The following MATK variants were observed in gnomAD, a reference collection of about 807,000 sequenced individuals.
MATK encodes the protein megakaryocyte-associated tyrosine-protein kinase.
A neutral mutation model predicts 59.8 loss-of-function variants in MATK; 41 were observed. That is an observed-to-expected ratio of 0.69 (90% CI 0.53 to 0.89). The LOEUF is 0.89. Among genes scored for constraint, MATK ranks in the 40% least tolerant of loss-of-function variants. The probability of loss-of-function intolerance (pLI) is 0.00; values close to 1 mark genes in which losing one functional copy is unlikely to be tolerated. For missense variants in MATK, 593 were observed against 719.6 expected (o/e 0.82, Z 2.01); for synonymous variants, 308 against 306.1 (o/e 1.01, Z -0.06).
At chr19:3,791,147 TG>T (rs2037537610), upstream of MATK, among the ~76,000 whole-genome samples, 1 of 152,042 alleles carries the variant, frequency 6.6e-6, no homozygotes, top group Non-Finnish European at 1.5e-5. Context: ...GTACCAGAAG[TG>T]GGGAGTTAAA....
In MATK at chr19:3,784,893, G is replaced by T; in HGVS notation, c.73-9C>A. On this transcript the variant is annotated splice_polypyrimidine_tract_variant and intron_variant, in intron 2 of 13. Transcript: ENST00000310132. ...AGGAAGCGGGGGCTCACCTGGGGAG[G>T]GGACAGAGTCCAGGTGGGAGCTGGG... The T allele has an allele frequency of 1.3e-6, 2 of 1,514,546 alleles. No homozygotes were observed. Among genetic ancestry groups the T allele is most frequent in the Non-Finnish European group, 1.8e-6 (2 of 1,112,852 alleles). The allele number at this position is 1,514,546 out of a possible 1,614,324, so 93.8% of individuals were successfully genotyped here.
In MATK at chr19:3,778,544, C is replaced by T. The variant is rs751919765; in HGVS notation, c.1249G>A (p.Val417Ile). 1.9e-6 allele frequency: 3 copies of T among 1,613,904 alleles called. No homozygotes were observed. In the South Asian group the frequency reaches 3.3e-5, roughly 18 times the overall value. Residue 417 changes from valine (V) to isoleucine (I), a missense_variant, in exon 13 of 14, where the codon GTC becomes ATC. Physicochemically the swap from Val to Ile is conservative, Grantham distance 29 (BLOSUM62 3). Coordinates refer to ENST00000310132, the MANE Select transcript of MATK (RefSeq NM_139355.3). ...TACGGAGCCCGTCCATATGAGAAGA[C>T]CTCCCAGAGCAGCACCCCAAAACTC... is the stretch of plus-strand genomic sequence containing the variant. The part of the protein sequence containing the change: ...VWSFGVLLWE[V>I]FSYGRAPYPK...
At chr19:3,782,286 C>T (rs991707226) in intron 7 of MATK, among the ~76,000 whole-genome samples, 1 of 152,212 alleles carries the variant, frequency 6.6e-6, no homozygotes, top group Non-Finnish European at 1.5e-5. Flanking sequence ...ACGTTCTCTT[C>T]TCCCTCCAGA....
At chr19:3,794,786 C>G (rs2037577257) in intron 1 of MATK, among the ~76,000 whole-genome samples, 1 of 152,152 alleles carries the variant, frequency 6.6e-6, no homozygotes, top group Non-Finnish European at 1.5e-5. Flanking sequence ...CTCATGACCT[C>G]ATGCTCTAAC....
chr19:3,801,132 C>T (rs1171872243), intron 1 of MATK, among the ~76,000 whole-genome samples: 1 of 152,208 alleles, frequency 6.6e-6, no homozygotes, highest in Non-Finnish European at 1.5e-5. Flanking sequence ...CCACCGCGCC[C>T]GGCCGATGCT....
In MATK at chr19:3,783,134, A is replaced by T. The variant is rs773029722; in HGVS notation, c.668T>A (p.Leu223Gln). The T allele has an allele frequency of 1.9e-6, 3 of 1,613,944 alleles. No individual in the cohort carries two copies. In the Admixed American group the frequency reaches 5.0e-5, roughly 27 times the overall value. Residue 223 changes from leucine (L) to glutamine (Q), a missense_variant, in exon 7 of 14, where the codon CTG becomes CAG. By Grantham distance (113) the Leu-to-Gln change is moderately radical. Coordinates refer to ENST00000310132, the MANE Select transcript of MATK (RefSeq NM_139355.3). ...TCCTGGGCGTCCCCTACCCCTGGCC[A>T]GCTCCTCCTCGGCCGACTTGGTCCC... ...KHGTKSAEEE[L>Q]ARAGWLLNLQ...
chr19:3,788,097 T>TTTATATTATA (rs71166928), upstream of MATK, among the ~76,000 whole-genome samples: 2,481 of 133,712 alleles, frequency 0.019, 32 homozygotes, highest in African/African-American at 0.023. Flanking sequence ...ATTATTAATA[T>TTTATATTATA]TTATATTATA....
intron 8 of MATK, 117 bp from the exon 9 acceptor site, chr19:3,779,914 G>A (rs1287356604): frequency 7.1e-6 from 5 of 701,870 alleles, no homozygotes; most frequent in Non-Finnish European, 1.0e-5. Flanking sequence ...ACAGCTGCGG[G>A]TCCCCAGACC....
At chr19:3,799,868 C>G (rs1487702263) in intron 1 of MATK, among the ~76,000 whole-genome samples, 2 of 128,502 alleles carry the variant, frequency 1.6e-5, no homozygotes, top group Non-Finnish European at 3.3e-5. Flanking sequence ...GTCAGCCGGG[C>G]GCGGTGGCTC....
Position 3,784,364 on chromosome 19 carries a change from C to T in MATK, c.220G>A (p.Val74Met), listed in dbSNP as rs756357072. The T allele has an allele frequency of 1.8e-5, 29 of 1,607,848 alleles. No homozygotes were observed. Among genetic ancestry groups the T allele is most frequent in the Non-Finnish European group, 2.1e-5 (25 of 1,178,450 alleles). Residue 74 changes from valine to methionine, a missense_variant, in exon 4 of 14, where the codon GTG (valine) becomes ATG (methionine). Val to Met is a conservative substitution (Grantham distance 21, BLOSUM62 1). Transcript: ENST00000310132. ...TCGCAGGCCTCCAGGATGGTGACCA[C>T]GTCGCCCTTGCGGAAGGCCAGCTCC... ...PGELAFRKGDVVTILEACENK... is the reference protein window; with the variant it reads ...PGELAFRKGDMVTILEACENK...
Position 3,777,982 on chromosome 19 carries a change from A to G in MATK, c.*201T>C. ...CACACAGGCGCCTAGAGTCCTTAGAATCCGTCTTTATCGGGCGATCATCCT... is the reference window on the plus strand; with the variant it reads ...CACACAGGCGCCTAGAGTCCTTAGAGTCCGTCTTTATCGGGCGATCATCCT... On this transcript the variant is annotated 3_prime_UTR_variant, in exon 14 of 14. Transcript: ENST00000310132. 1 of 658,472 alleles carries G rather than the reference A, an allele frequency of 1.5e-6. No homozygotes were observed. The highest frequency in any genetic ancestry group is 2.4e-6 in the Non-Finnish European group (1 of 421,374). The allele number at this position is 658,472 out of a possible 1,614,324, so 40.8% of individuals were successfully genotyped here.
chr19:3,797,342 G>A (rs1464504771), intron 1 of MATK, among the ~76,000 whole-genome samples: 1 of 148,466 alleles, frequency 6.7e-6, no homozygotes, highest in Non-Finnish European at 1.5e-5. Context: ...TGTTGCTCAG[G>A]CTGGAGTGCA....
chr19:3,779,151 C>G lies in MATK; in HGVS notation c.1038G>C (p.Lys346Asn), dbSNP rs550252601. ...VAEGMEYLES[K>N]KLVHRDLAAR... Reference sequence around the variant, plus strand: ...CGGCCAGGTCGCGGTGCACAAGCTTCTTGCTCTCCAGGTACTCCATGCCCT... The same window carrying G: ...CGGCCAGGTCGCGGTGCACAAGCTTGTTGCTCTCCAGGTACTCCATGCCCT... The change falls in exon 12 of 14, where the codon AAG becomes AAC. Residue 346 changes from lysine (K) to asparagine (N), a missense_variant. Coordinates refer to ENST00000310132, the MANE Select transcript of MATK (RefSeq NM_139355.3). The G allele has an allele frequency of 3.1e-6, 5 of 1,606,326 alleles. No homozygotes were observed. The Admixed American group carries it at 8.4e-5, about 27-fold the overall frequency.
Position 3,783,174 on chromosome 19 carries a change from G to T in MATK, c.628C>A (p.Pro210Thr). ...GACTTGGTCCCGTGTTTCCGCTTTGGTCTCACCAGCTTGGTGCAGATAGCG... is the reference window on the plus strand; with the variant it reads ...GACTTGGTCCCGTGTTTCCGCTTTGTTCTCACCAGCTTGGTGCAGATAGCG... ...KGAICTKLVR[P>T]KRKHGTKSAE... The change falls in exon 7 of 14, where the codon CCA becomes ACA. Residue 210 changes from proline (P) to threonine (T), a missense_variant. Physicochemically the swap from Pro to Thr is conservative, Grantham distance 38. Transcript: ENST00000310132. 6.2e-7 allele frequency: 1 copy of T among 1,614,120 alleles called. No homozygotes were observed. The highest frequency in any genetic ancestry group is 8.5e-7 in the Non-Finnish European group (1 of 1,179,992).
chr19:3,785,420 G>C, intron 1 of MATK, 134 bp from the exon 2 acceptor site: 1 of 545,724 alleles, frequency 1.8e-6, no homozygotes, highest in East Asian at 3.3e-5. Context: ...GCCACCCGCT[G>C]AGCCTCTCTG....
intron 7 of MATK, 88 bp downstream of exon 7, chr19:3,783,038 C>A: frequency 8.1e-7 from 1 of 1,230,142 alleles, no homozygotes; most frequent in Non-Finnish European, 1.2e-6. Context: ...GTGATCTGGC[C>A]TCAGAGGTGC....
At chr19:3,801,507 C>G (rs2145120757) in intron 1 of MATK, 1 of 152,514 alleles carries the variant, frequency 6.6e-6, no homozygotes, top group Non-Finnish European at 1.5e-5. Flanking sequence ...TGCCCACACG[C>G]CCGGTACATC....
At chr19:3,779,276 T>G in intron 11 of MATK, 89 bp from the exon 12 acceptor site, 1 of 1,553,512 alleles carries the variant, frequency 6.4e-7, no homozygotes, top group Non-Finnish European at 8.8e-7. Context: ...GGCCACAAGC[T>G]CACAAAGCCT....
upstream of MATK, chr19:3,786,418 C>T: frequency 1.0e-6 from 1 of 979,700 alleles, no homozygotes; most frequent in Non-Finnish European, 1.2e-6. This position sits in a 1 kb window ranked among gnomAD's most constrained non-coding sequence, Gnocchi z 4.1. Context: ...CCGCCGGCCC[C>T]TCCCCGCCCC....
Sources: allele counts gnomAD v4.1 joint callset (sites outside exome capture counted in the v4.1 genomes callset), GRCh38; gene constraint gnomAD v4.1.1; non-coding constraint Gnocchi (gnomAD v3.1); transcripts MANE v1.5; gene names NCBI Gene and HGNC (gene_info 2026-07-23, HGNC 2026-07-21).